The following RBBP7 variants were observed in gnomAD, a reference collection of about 807,000 sequenced individuals.
RBBP7 encodes histone-binding protein RBBP7.
RBBP7 carries 5 observed loss-of-function variants against 35.2 expected under a neutral mutation model. The ratio of observed to expected loss-of-function variants is 0.14; its 90% CI spans 0.07 to 0.30. RBBP7 has a LOEUF of 0.30. Ranked by LOEUF, RBBP7 falls within the 10% of genes least tolerant of loss-of-function variation. RBBP7 has a pLI of 1.00. For synonymous variants in RBBP7, 140 were observed against 118.7 expected (o/e 1.18, Z -1.17); for missense variants, 155 against 327.5 (o/e 0.47, Z 4.07).
intron 5 of RBBP7, 134 bp from the exon 6 acceptor site, chrX:16,853,976 G>C: frequency 2.1e-6 from 1 of 473,757 alleles, no homozygotes; most frequent in Non-Finnish European, 3.0e-6. Flanking sequence ...TCCGCCTCCA[G>C]GGCTCAAGCG....
intron 5 of RBBP7, among the ~76,000 whole-genome samples, chrX:16,856,507 G>T (rs948499854): frequency 9.1e-6 from 1 of 109,846 alleles, no homozygotes. Context: ...TCCAGCCTGG[G>T]TGACAGAGAC....
In RBBP7 at chrX:16,862,951, C is replaced by T; in HGVS notation, c.307+4G>A. On this transcript the variant is annotated splice_donor_region_variant and intron_variant, in intron 3 of 11. Coordinates refer to ENST00000380087, the MANE Select transcript of RBBP7 (RefSeq NM_002893.4). ...ACCAATATTGGAATATATGATATAC[C>T]TACCACCCTTGTCACTGTCACAATG... The T allele has an allele frequency of 8.3e-7, 1 of 1,209,464 alleles. No homozygotes were observed. Among genetic ancestry groups the T allele is most frequent in the East Asian group, 3.0e-5 (1 of 33,808 alleles).
chrX:16,854,673 A>G (rs1602418758), intron 5 of RBBP7, among the ~76,000 whole-genome samples: 1 of 109,923 alleles, frequency 9.1e-6, no homozygotes, highest in East Asian at 2.9e-4. Flanking sequence ...AGAAACCTCT[A>G]CTAGTCTACT....
chrX:16,865,185 G>C lies in RBBP7; in HGVS notation c.162-2085C>G, dbSNP rs374576533. ...GGATTGCTTGAACCCAGGACTTCGA[G>C]ACCAGCCTGGGCAACGTGGCAAAAT... On this transcript the variant is annotated intron_variant, in intron 2 of 11. Coordinates refer to ENST00000380087, the MANE Select transcript of RBBP7 (RefSeq NM_002893.4). Among the ~76,000 whole-genome samples, 12 of 108,855 alleles carry C rather than the reference G, an allele frequency of 1.1e-4. No homozygotes were observed. The East Asian group carries it at 2.0e-3, about 18-fold the overall frequency. The allele number at this position is 108,855 out of a possible 115,157, so 94.5% of individuals were successfully genotyped here.
At chrX:16,859,783 G>A (rs1333509331) in intron 3 of RBBP7, among the ~76,000 whole-genome samples, 1 of 111,511 alleles carries the variant, frequency 9.0e-6, no homozygotes, top group East Asian at 2.8e-4. Context: ...GAGCCAGACA[G>A]GTAAGAAGTA....
intron 3 of RBBP7, among the ~76,000 whole-genome samples, chrX:16,861,666 GA>G (rs1048858356): frequency 1.8e-5 from 2 of 111,459 alleles, no homozygotes; most frequent in South Asian, 7.5e-4. Flanking sequence ...TTTTCAATAA[GA>G]AAAAAACCCT....
intron 1 of RBBP7, 55 bp downstream of exon 1, chrX:16,869,983 G>A: frequency 1.3e-6 from 1 of 753,429 alleles, no homozygotes. Context: ...CCGCGGCCTC[G>A]CGCGCCCGCC....
intron 11 of RBBP7, among the ~76,000 whole-genome samples, 163 bp downstream of exon 11, chrX:16,845,665 G>A (rs1346537151): frequency 1.8e-5 from 2 of 112,457 alleles, no homozygotes; most frequent in Admixed American, 9.4e-5. Flanking sequence ...CACCATATGG[G>A]ACTAAAGATT....
At chrX:16,853,269 G>A in intron 6 of RBBP7, 1 of 170,559 alleles carries the variant, frequency 5.9e-6, no homozygotes, top group Non-Finnish European at 1.1e-5. Flanking sequence ...GCCACACCTT[G>A]ATGAAATCAT....
chrX:16,844,757 A>G lies in RBBP7; in HGVS notation c.*278T>C. The G allele has an allele frequency of 4.3e-6, 1 of 230,827 alleles. No individual in the cohort carries two copies. Among genetic ancestry groups the G allele is most frequent in the Non-Finnish European group, 7.8e-6 (1 of 128,369 alleles). 19.0% of individuals were successfully genotyped at this position (230,827 alleles called of 1,213,427 possible). On this transcript the variant is annotated 3_prime_UTR_variant, in exon 12 of 12. Coordinates refer to ENST00000380087, the MANE Select transcript of RBBP7 (RefSeq NM_002893.4). ...GGAACAGCAAGCACTTAGTTTGAGA[A>G]AATGAGGACTTAAAACAGTTGAATC... is the stretch of plus-strand genomic sequence containing the variant.
In RBBP7 at chrX:16,863,367, A is replaced by C. The variant is rs567040181; in HGVS notation, c.162-267T>G. Among the ~76,000 whole-genome samples the C allele has an allele frequency of 4.5e-5, 5 of 111,692 alleles. No individual in the cohort carries two copies. The South Asian group carries it at 1.9e-3, about 42-fold the overall frequency. On this transcript the variant is annotated intron_variant, in intron 2 of 11. Transcript: ENST00000380087. ...TGCCTCAATTATCAGCGTGAACACT[A>C]CCTTTTATAGAGCAGCACTCCGGGG...
At chrX:16,864,322 C>T (rs967474457) in intron 2 of RBBP7, among the ~76,000 whole-genome samples, 6 of 110,523 alleles carry the variant, frequency 5.4e-5, no homozygotes, top group Admixed American at 9.6e-5. Flanking sequence ...GAGTTCGAGA[C>T]CAGCCTAGCC....
At chrX:16,849,846 A>C (rs758068293) in intron 9 of RBBP7, among the ~76,000 whole-genome samples, 2 of 112,465 alleles carry the variant, frequency 1.8e-5, no homozygotes, top group East Asian at 2.8e-4. Context: ...TATAATTACA[A>C]ATCAGTACTA....
intron 2 of RBBP7, among the ~76,000 whole-genome samples, chrX:16,865,183 G>A (rs1307723430): frequency 9.3e-6 from 1 of 108,073 alleles, no homozygotes; most frequent in Non-Finnish European, 1.9e-5. Flanking sequence ...CCAGGACTTC[G>A]AGACCAGCCT....
chrX:16,852,432 T>C, intron 8 of RBBP7, 119 bp downstream of exon 8: 1 of 783,141 alleles, frequency 1.3e-6, no homozygotes. Context: ...AGCATCTCCA[T>C]GTAACACCAC....
rs760462214 is a variant in RBBP7 at position 16,863,175 on chromosome X, C to T, written c.162-75G>A. 3 of 978,527 alleles carry T rather than the reference C, an allele frequency of 3.1e-6. No homozygotes were observed. The Admixed American group carries it at 7.6e-5, about 25-fold the overall frequency. 80.6% of individuals were successfully genotyped at this position (978,527 alleles called of 1,213,427 possible). ...TTGCTAACAAATTCAGTCTAGTTCC[C>T]TCAAAATACATTCATATTTCTTTAG... On this transcript the variant is annotated intron_variant, in intron 2 of 11. Transcript: ENST00000380087.
At chrX:16,869,801 G>C (rs1466174459) in intron 1 of RBBP7, 1 of 926,461 alleles carries the variant, frequency 1.1e-6, no homozygotes. Flanking sequence ...CGCTGGAGGA[G>C]GGAAGGGAAG....
Position 16,857,194 on chromosome X carries a change from C to T in RBBP7, c.597+400G>A, listed in dbSNP as rs1279395925. On this transcript the variant is annotated intron_variant, in intron 5 of 11. Coordinates refer to ENST00000380087, the MANE Select transcript of RBBP7 (RefSeq NM_002893.4). Reference sequence around the variant, plus strand: ...GGTATGGAATTTCTCTTTCAGAGAGCGAATGAAAACATTCTAGAATTAGTG... The same window carrying T: ...GGTATGGAATTTCTCTTTCAGAGAGTGAATGAAAACATTCTAGAATTAGTG... Among the ~76,000 whole-genome samples, 3 of 111,677 alleles carry T rather than the reference C, an allele frequency of 2.7e-5. No individual in the cohort carries two copies. In the Admixed American group the frequency reaches 2.9e-4, roughly 11 times the overall value.
At chrX:16,845,238 T>C (rs1018650249) in intron 11 of RBBP7, 135 bp from the exon 12 acceptor site, 1 of 488,534 alleles carries the variant, frequency 2.0e-6, no homozygotes, top group Admixed American at 3.8e-5. Flanking sequence ...AATAAGGAAA[T>C]GGTAGGCTAG....
Sources: allele counts gnomAD v4.1 joint callset (sites outside exome capture counted in the v4.1 genomes callset), GRCh38; gene constraint gnomAD v4.1.1; transcripts MANE v1.5; gene names NCBI Gene and HGNC (gene_info 2026-07-23, HGNC 2026-07-21).